Variants in EXOC2 observed in about 807,000 individuals in gnomAD.
EXOC2 encodes SEC5-like 1.
EXOC2 carries 70 observed loss-of-function variants against 131.8 expected under a neutral mutation model. The ratio of observed to expected loss-of-function variants is 0.53; its 90% confidence interval spans 0.44 to 0.65. The LOEUF (loss-of-function observed/expected upper bound fraction) is 0.65, where lower values mean the gene tolerates loss of function less well. Ranked by LOEUF, EXOC2 falls within the 30% of genes least tolerant of loss-of-function variation. EXOC2 has a pLI of 0.00. For synonymous variants in EXOC2, 411 were observed against 398.4 expected (o/e 1.03, Z -0.38); for missense variants, 923 against 1,108.6 (o/e 0.83, Z 2.38).
chr6:671,067 A>G (rs896418982), intron 1 of EXOC2, among the ~76,000 whole-genome samples: 7 of 151,518 alleles, frequency 4.6e-5, no homozygotes, highest in African/African-American at 7.3e-5. Context: ...AAAAAAAAAA[A>G]AAATTAAGGC....
At chr6:686,602 A>G (rs1027788950) in intron 1 of EXOC2, among the ~76,000 whole-genome samples, 2 of 152,202 alleles carry the variant, frequency 1.3e-5, no homozygotes, top group African/African-American at 2.4e-5. Context: ...CCCATAAAAG[A>G]GATCTGTTAT....
chr6:660,827 T>A (rs1027618107), intron 1 of EXOC2, among the ~76,000 whole-genome samples: 1 of 151,180 alleles, frequency 6.6e-6, no homozygotes, highest in South Asian at 2.1e-4. Context: ...GAAAAAAAAA[T>A]TCAGGAGGTT....
intron 21 of EXOC2, among the ~76,000 whole-genome samples, chr6:551,207 C>T (rs986073178): frequency 2.6e-5 from 4 of 152,134 alleles, no homozygotes; most frequent in African/African-American, 7.2e-5. Context: ...TCAGTGATCC[C>T]CCACGTTCCG....
intron 2 of EXOC2, among the ~76,000 whole-genome samples, chr6:636,480 C>T (rs562968737): frequency 4.6e-5 from 7 of 152,234 alleles, no homozygotes; most frequent in African/African-American, 1.7e-4. Context: ...ATAACACTAG[C>T]AAAAAGAATT....
intron 23 of EXOC2, among the ~76,000 whole-genome samples, chr6:504,173 G>T (rs1380123150): frequency 6.6e-6 from 1 of 152,220 alleles, no homozygotes; most frequent in East Asian, 1.9e-4. Context: ...ATGCACATGC[G>T]AACACTGAGA....
chr6:669,790 T>C (rs1425020798), intron 1 of EXOC2: 1 of 152,240 alleles, frequency 6.6e-6, no homozygotes, highest in Admixed American at 6.5e-5. Context: ...TTCCCTTACA[T>C]GTAGCCCAAG....
At chr6:491,027 A>G in intron 26 of EXOC2, 98 bp downstream of exon 26, 3 of 1,222,344 alleles carry the variant, frequency 2.5e-6, no homozygotes, top group Non-Finnish European at 3.6e-6. Flanking sequence ...ATTCATGAGC[A>G]TGTGCTCTGA....
intron 16 of EXOC2, 86 bp downstream of exon 16, chr6:563,947 T>C (rs1757829422): frequency 6.6e-7 from 1 of 1,516,940 alleles, no homozygotes; most frequent in Admixed American, 2.3e-5. Flanking sequence ...AATTTTCCCT[T>C]GTTTTCAAGG....
chr6:659,879 C>G (rs114932191), intron 1 of EXOC2, among the ~76,000 whole-genome samples: 1 of 152,054 alleles, frequency 6.6e-6, no homozygotes, highest in Non-Finnish European at 1.5e-5. Flanking sequence ...TGGGAGAGGA[C>G]GCAAATCTGG....
At chr6:544,632 A>C (rs780053847) in intron 22 of EXOC2, among the ~76,000 whole-genome samples, 4 of 152,236 alleles carry the variant, frequency 2.6e-5, no homozygotes, top group Non-Finnish European at 4.4e-5. Flanking sequence ...AACTGTACTC[A>C]CTCACATCTA....
intron 25 of EXOC2, among the ~76,000 whole-genome samples, chr6:494,919 G>A (rs149882895): frequency 4.2e-4 from 64 of 152,158 alleles, no homozygotes; most frequent in African/African-American, 1.5e-3. Context: ...TCACTCTGTC[G>A]CCCAGTCTGG....
At position 521,442 on chromosome 6, in the gene EXOC2, G is replaced by T. The variant is rs533091078; in HGVS notation, c.2380+11027C>A. On this transcript the variant is annotated intron_variant, in intron 23 of 27. Coordinates refer to ENST00000230449, the MANE Select transcript of EXOC2 (RefSeq NM_018303.6). The stretch of plus-strand genomic sequence containing the variant: ...ATGATGGTAGCCTTAAAATTCTGTG[G>T]GGCTCAAAGTGTCTTTAGAATAATG... Among the ~76,000 whole-genome samples, 29 of 152,312 alleles carry T rather than the reference G, an allele frequency of 1.9e-4. No homozygotes were observed. In the South Asian group the frequency reaches 5.6e-3, roughly 29 times the overall value.
intron 23 of EXOC2, among the ~76,000 whole-genome samples, chr6:529,588 A>G (rs934674140): frequency 6.6e-6 from 1 of 152,192 alleles, no homozygotes; most frequent in African/African-American, 2.4e-5. Flanking sequence ...ATTTTTTTCT[A>G]TTCTCAAAGA....
At chr6:677,244 A>C (rs576542607) in intron 1 of EXOC2, among the ~76,000 whole-genome samples, 1 of 152,078 alleles carries the variant, frequency 6.6e-6, no homozygotes, top group African/African-American at 2.4e-5. Context: ...ACTCTTCAAC[A>C]TTACGGAAAG....
intron 1 of EXOC2, among the ~76,000 whole-genome samples, chr6:644,721 A>C (rs1762501904): frequency 6.6e-6 from 1 of 152,156 alleles, no homozygotes; most frequent in South Asian, 2.1e-4. Flanking sequence ...TTAGAAAATA[A>C]AATTTTTTAA....
intron 23 of EXOC2, among the ~76,000 whole-genome samples, chr6:526,215 T>C (rs1200180337): frequency 6.6e-6 from 1 of 152,204 alleles, no homozygotes; most frequent in African/African-American, 2.4e-5. Context: ...AGTTTTTTTC[T>C]CTGTACCTTT....
chr6:515,656 G>GGGTATCT (rs1765111741), intron 23 of EXOC2, among the ~76,000 whole-genome samples: 1 of 148,976 alleles, frequency 6.7e-6, no homozygotes. Context: ...ACACAGCTGG[G>GGGTATCT]GCGGTCCTAG....
chr6:497,610 A>G (rs1763814607), intron 24 of EXOC2, 121 bp from the exon 25 acceptor site: 1 of 1,289,570 alleles, frequency 7.8e-7, no homozygotes, highest in African/African-American at 1.5e-5. Context: ...GTCATTTTTA[A>G]AAGGCCAAAA....
chr6:531,101 T>A lies in EXOC2; in HGVS notation c.2380+1368A>T, dbSNP rs922263077. On this transcript the variant is annotated intron_variant, in intron 23 of 27. Coordinates refer to ENST00000230449, the MANE Select transcript of EXOC2 (RefSeq NM_018303.6). ...AGTCTGGGGTTAGCCTCAGGGAGAA[T>A]GAGCCTCCTCGAAGGTTTTTCAGCA... Among the ~76,000 whole-genome samples, 6 of 152,172 alleles carry A rather than the reference T, an allele frequency of 3.9e-5. No homozygotes were observed. The East Asian group carries it at 7.7e-4, about 20-fold the overall frequency.
Sources: allele counts gnomAD v4.1 joint callset (sites outside exome capture counted in the v4.1 genomes callset), GRCh38; gene constraint gnomAD v4.1.1; transcripts MANE v1.5; gene names NCBI Gene and HGNC (gene_info 2026-07-23, HGNC 2026-07-21).